The following NMNAT3 variants were observed in gnomAD, a reference collection of about 807,000 sequenced individuals.
The protein encoded by NMNAT3 is nicotinamide nucleotide adenylyltransferase 3.
A neutral mutation model predicts 24.8 loss-of-function variants in NMNAT3; 21 were observed. The ratio of observed to expected loss-of-function variants is 0.85; its 90% confidence interval spans 0.60 to 1.22. The LOEUF is 1.22. NMNAT3 is among the 50% of genes most tolerant of loss of function. The pLI is 0.00. For missense variants in NMNAT3, 387 were observed against 436.6 expected (o/e 0.89, Z 1.01); for synonymous variants, 136 against 155.2 (o/e 0.88, Z 0.92).
intron 3 of NMNAT3, among the ~76,000 whole-genome samples, chr3:139,611,036 G>A (rs2055186387): frequency 2.5e-4 from 1 of 3,970 alleles, no homozygotes; most frequent in Admixed American, 5.4e-3. Flanking sequence ...TGGTGAGGAT[G>A]GGGGGGGTGG....
chr3:139,641,943 T>C (rs1283501758), intron 1 of NMNAT3, among the ~76,000 whole-genome samples: 2 of 152,150 alleles, frequency 1.3e-5, no homozygotes, highest in Non-Finnish European at 2.9e-5. Context: ...TCTTTGCTAG[T>C]GATTGGTTAG....
chr3:139,568,599 ACC>A (rs1403568165), intron 6 of NMNAT3: 1 of 152,108 alleles, frequency 6.6e-6, no homozygotes, highest in Non-Finnish European at 1.5e-5. Flanking sequence ...TTCATTATTT[ACC>A]CAGTAGTCAT....
intron 3 of NMNAT3, among the ~76,000 whole-genome samples, chr3:139,595,875 C>G (rs1576606221): frequency 6.6e-6 from 1 of 152,362 alleles, no homozygotes; most frequent in African/African-American, 2.4e-5. Context: ...AAAACCTAGG[C>G]ATTACCATTC....
intron 1 of NMNAT3, among the ~76,000 whole-genome samples, chr3:139,664,203 C>T (rs1412757232): frequency 6.6e-6 from 1 of 152,100 alleles, no homozygotes; most frequent in African/African-American, 2.4e-5. Context: ...CATAGGAACC[C>T]TTTCTTAATT....
chr3:139,675,864 G>A (rs2057912906), intron 1 of NMNAT3, among the ~76,000 whole-genome samples: 1 of 152,200 alleles, frequency 6.6e-6, no homozygotes, highest in Admixed American at 6.5e-5. Context: ...TTCAGGAGAA[G>A]GAGAGGGTGG....
intron 3 of NMNAT3, among the ~76,000 whole-genome samples, chr3:139,584,826 G>T (rs901714705): frequency 6.6e-6 from 1 of 152,118 alleles, no homozygotes; most frequent in African/African-American, 2.4e-5. Flanking sequence ...ATTCAGTCAA[G>T]ATTACTAATT....
chr3:139,593,725 G>A lies in NMNAT3; in HGVS notation c.110-10517C>T, dbSNP rs1279471638. 1.4e-4 allele frequency among the ~76,000 whole-genome samples: 20 copies of A among 147,964 alleles called. 1 individual carries two copies. Among genetic ancestry groups the A allele is most frequent in the Middle Eastern group, 3.4e-3 (1 of 294 alleles). On this transcript the variant is annotated intron_variant, in intron 3 of 6. Coordinates refer to ENST00000643695, the MANE Select transcript of NMNAT3 (RefSeq NM_001320510.2). ...CCTGAATGACTACTGGGTACATAAC[G>A]AAATGAAGGCAGAAATAAAGATGTT...
At chr3:139,584,860 A>AT (rs1392995439) in intron 3 of NMNAT3, among the ~76,000 whole-genome samples, 2 of 151,814 alleles carry the variant, frequency 1.3e-5, no homozygotes, top group Non-Finnish European at 2.9e-5. Context: ...CTATGTTCTG[A>AT]TTTTTTTGTC....
At position 139,627,607 on chromosome 3, in the gene NMNAT3, CT is replaced by C; in HGVS notation, c.109+8del. 1 of 1,546,512 alleles carries C rather than the reference CT, an allele frequency of 6.5e-7. No homozygotes were observed. The highest frequency in any genetic ancestry group is 8.7e-7 in the Non-Finnish European group (1 of 1,147,098). On this transcript the variant is annotated splice_region_variant and intron_variant, in intron 3 of 6. Coordinates refer to ENST00000643695, the MANE Select transcript of NMNAT3 (RefSeq NM_001320510.2). Reference sequence around the variant, plus strand: ...GTTCTTCTGTTGGACTCAGGGCCCCCTGACTGACCTGTTTGGTGTAGGTGAT... The same window carrying C: ...GTTCTTCTGTTGGACTCAGGGCCCCCGACTGACCTGTTTGGTGTAGGTGAT...
At chr3:139,662,913 C>T (rs976390327) in intron 1 of NMNAT3, among the ~76,000 whole-genome samples, 1 of 152,192 alleles carries the variant, frequency 6.6e-6, no homozygotes, top group Non-Finnish European at 1.5e-5. Context: ...AATTTTCAGA[C>T]ACGATTTCCC....
At chr3:139,664,526 T>C (rs2057515798) in intron 1 of NMNAT3, among the ~76,000 whole-genome samples, 1 of 152,226 alleles carries the variant, frequency 6.6e-6, no homozygotes, top group Admixed American at 6.5e-5. Flanking sequence ...AGCCTGGAAC[T>C]CCTATCTTCC....
intron 3 of NMNAT3, among the ~76,000 whole-genome samples, chr3:139,621,880 A>T (rs2055791813): frequency 6.6e-6 from 1 of 152,210 alleles, no homozygotes; most frequent in Non-Finnish European, 1.5e-5. Context: ...AATGATCTCC[A>T]GTTCCATCCA....
At chr3:139,662,898 T>A (rs1236914182) in intron 1 of NMNAT3, among the ~76,000 whole-genome samples, 1 of 152,220 alleles carries the variant, frequency 6.6e-6, no homozygotes, top group Non-Finnish European at 1.5e-5. Flanking sequence ...GGATCTTTTC[T>A]GGGTAATTTT....
At chr3:139,644,307 C>A (rs1470840183) in intron 1 of NMNAT3, among the ~76,000 whole-genome samples, 1 of 152,128 alleles carries the variant, frequency 6.6e-6, no homozygotes, top group South Asian at 2.1e-4. Flanking sequence ...GACTGGCATG[C>A]ATCTGACCTC....
chr3:139,573,750 G>T, intron 5 of NMNAT3, 70 bp from the exon 6 acceptor site: 1 of 840,440 alleles, frequency 1.2e-6, no homozygotes. Context: ...GGGATTTTCA[G>T]ATTTTGTCTC....
At chr3:139,594,849 G>A (rs190795443) in intron 3 of NMNAT3, among the ~76,000 whole-genome samples, 1,938 of 152,132 alleles carry the variant, frequency 0.013, 41 homozygotes, top group African/African-American at 0.041. Flanking sequence ...ACCCACAGCC[G>A]ATATCATACT....
intron 3 of NMNAT3, among the ~76,000 whole-genome samples, chr3:139,624,198 A>T (rs183143465): frequency 8.7e-4 from 133 of 152,220 alleles, no homozygotes; most frequent in Admixed American, 1.5e-3. Context: ...TTCGTGCTAT[A>T]AAACTCTTCT....
intron 3 of NMNAT3, among the ~76,000 whole-genome samples, chr3:139,591,849 T>A (rs928834171): frequency 2.0e-5 from 3 of 152,116 alleles, no homozygotes; most frequent in African/African-American, 7.2e-5. Flanking sequence ...CAAAAGTAGA[T>A]AAAACCACAA....
rs1396226518 is a variant in NMNAT3, at chr3:139,561,392, G to A, written c.659C>T (p.Ala220Val). Residue 220 changes from alanine (A) to valine (V), a missense_variant and splice_region_variant, in exon 7 of 7, where the codon GCT (alanine) becomes GTT (valine). This residue lies in a region of NMNAT3 where 323 missense variants were observed against 345.2 expected (regional missense o/e 0.94). Transcript: ENST00000643695. Reference sequence around the variant, plus strand: ...ACAGAGAAGCTTCAGCTCAGGCACAGCTGCAAAAACAAGGATGGACCCAGT... The same window carrying A: ...ACAGAGAAGCTTCAGCTCAGGCACAACTGCAAAAACAAGGATGGACCCAGT... 15 of 1,610,698 alleles carry A rather than the reference G, an allele frequency of 9.3e-6. No individual in the cohort carries two copies. The highest frequency in any genetic ancestry group is 1.3e-5 in the Non-Finnish European group (15 of 1,177,628).
Sources: allele counts gnomAD v4.1 joint callset (sites outside exome capture counted in the v4.1 genomes callset), GRCh38; gene constraint gnomAD v4.1.1; regional missense constraint gnomAD v4.1.1; transcripts MANE v1.5; gene names NCBI Gene and HGNC (gene_info 2026-07-23, HGNC 2026-07-21).